The following RARB variants were observed in gnomAD, a reference collection of about 807,000 sequenced individuals.
RARB encodes retinoic acid receptor beta, also known as HBV-activated protein.
A neutral mutation model predicts 51.9 loss-of-function variants in RARB; 17 were observed. The observed-to-expected ratio is 0.33, with a 90% CI of 0.22 to 0.49. The LOEUF is 0.49. Ranked by LOEUF, RARB falls within the 20% of genes least tolerant of loss-of-function variation. The pLI is 0.99. For synonymous variants in RARB, 215 were observed against 195.4 expected, an observed-to-expected ratio of 1.10 and a Z score of -0.84; for missense variants, 369 against 550.8, an observed-to-expected ratio of 0.67 and a Z score of 3.30.
chr3:25,168,454 G>C (rs1039201094), intron 4 of RARB, among the ~76,000 whole-genome samples: 2 of 152,016 alleles, frequency 1.3e-5, no homozygotes, highest in Non-Finnish European at 2.9e-5. Context: ...TCAAACTCCT[G>C]ATCTCAAGTA....
chr3:24,912,975 C>CTGTTTTTTTTTTTTTTTTTTTTTTT, intron 2 of RARB, among the ~76,000 whole-genome samples: 1 of 75,052 alleles, frequency 1.3e-5, no homozygotes, highest in African/African-American at 4.5e-5. Context: ...GGTACTGATT[C>CTGTTTTTTTTTTTTTTTTTTTTTTT]TTTTTTTTTT....
chr3:25,130,061 A>T (rs1288730304), intron 3 of RARB, among the ~76,000 whole-genome samples: 2 of 152,092 alleles, frequency 1.3e-5, no homozygotes, highest in Non-Finnish European at 2.9e-5. Flanking sequence ...TTACCTTAGT[A>T]TGGGAAACTA....
intron 3 of RARB, among the ~76,000 whole-genome samples, chr3:25,521,511 G>A (rs886359003): frequency 6.6e-6 from 1 of 152,132 alleles, no homozygotes; most frequent in African/African-American, 2.4e-5. Flanking sequence ...TAAGATATGA[G>A]AATCCACTGG....
intron 5 of RARB, among the ~76,000 whole-genome samples, chr3:25,210,896 G>T (rs953759194): frequency 6.6e-6 from 1 of 151,988 alleles, no homozygotes; most frequent in Non-Finnish European, 1.5e-5. Context: ...CCACATAAAA[G>T]TCCACTCAAT....
chr3:25,457,144 C>A (rs2125550037), intron 1 of RARB, among the ~76,000 whole-genome samples: 1 of 152,156 alleles, frequency 6.6e-6, no homozygotes, highest in Non-Finnish European at 1.5e-5. Context: ...GACATTCTGG[C>A]ATAATAGATC....
At chr3:24,991,241 G>C (rs1016885456) in intron 2 of RARB, among the ~76,000 whole-genome samples, 2 of 152,168 alleles carry the variant, frequency 1.3e-5, no homozygotes, top group African/African-American at 4.8e-5. Flanking sequence ...AGGAGTTCAA[G>C]ACCAGCCTGG....
intron 2 of RARB, among the ~76,000 whole-genome samples, chr3:24,907,001 A>G (rs1446006743): frequency 6.6e-6 from 1 of 152,172 alleles, no homozygotes; most frequent in Non-Finnish European, 1.5e-5. Context: ...AGACAGTCAA[A>G]TGTAGATATC....
At chr3:24,940,020 C>T (rs1695626837) in intron 2 of RARB, among the ~76,000 whole-genome samples, 1 of 152,174 alleles carries the variant, frequency 6.6e-6, no homozygotes, top group South Asian at 2.1e-4. Context: ...TTTAAGCACT[C>T]TTTAATGTTA....
At chr3:25,283,626 C>G (rs542487667) in intron 5 of RARB, among the ~76,000 whole-genome samples, 2 of 152,212 alleles carry the variant, frequency 1.3e-5, no homozygotes, top group African/African-American at 4.8e-5. Context: ...CTGACTGTTT[C>G]TCTCCCTGAC....
chr3:25,461,710 A>G (rs1219703452), intron 2 of RARB, among the ~76,000 whole-genome samples: 1 of 152,142 alleles, frequency 6.6e-6, no homozygotes, highest in Non-Finnish European at 1.5e-5. Context: ...CCTGACCAAC[A>G]TGGCAAAACC....
chr3:25,562,949 C>G (rs969620507), intron 3 of RARB, among the ~76,000 whole-genome samples: 1 of 152,200 alleles, frequency 6.6e-6, no homozygotes, highest in African/African-American at 2.4e-5. Context: ...AAGTATTTGA[C>G]GTCTGTATAT....
intron 2 of RARB, among the ~76,000 whole-genome samples, chr3:24,952,822 T>G (rs1002612897): frequency 1.3e-5 from 2 of 152,066 alleles, no homozygotes; most frequent in Non-Finnish European, 2.9e-5. Flanking sequence ...TGTAACTCAT[T>G]GAATTTAAGG....
chr3:25,258,954 A>G (rs767045335), intron 5 of RARB: 2 of 832,170 alleles, frequency 2.4e-6, no homozygotes, highest in Non-Finnish European at 2.9e-6. Context: ...CAACACCACC[A>G]CACTGGGGAC....
rs550399386 is a variant in RARB at position 24,948,716 on chromosome 3, A to T, written c.-380+89964A>T. Reference sequence around the variant, plus strand: ...GATCGTGGGGGCAGATCCCTCATGAATGATTTAGCACTATCTTCTTGGTGA... The same window carrying T: ...GATCGTGGGGGCAGATCCCTCATGATTGATTTAGCACTATCTTCTTGGTGA... On this transcript the variant is annotated intron_variant, in intron 2 of 11. Coordinates refer to the RARB transcript ENST00000383772. Among the ~76,000 whole-genome samples the T allele has an allele frequency of 2.0e-5, 3 of 152,208 alleles. No individual in the cohort carries two copies. The East Asian group carries it at 5.8e-4, about 29-fold the overall frequency.
intron 5 of RARB, among the ~76,000 whole-genome samples, chr3:25,199,093 A>G (rs1023890033): frequency 2.0e-5 from 3 of 151,978 alleles, no homozygotes; most frequent in African/African-American, 7.2e-5. Flanking sequence ...TGTATACACA[A>G]TGGAGTACTA....
chr3:25,551,278 A>G (rs1036544897), intron 3 of RARB, among the ~76,000 whole-genome samples: 8 of 152,194 alleles, frequency 5.3e-5, no homozygotes, highest in African/African-American at 1.9e-4. Context: ...GAGCTCTAAC[A>G]GTACTGTTTT....
chr3:25,173,775 C>A (rs1424836375), intron 4 of RARB, among the ~76,000 whole-genome samples: 1 of 152,154 alleles, frequency 6.6e-6, no homozygotes, highest in East Asian at 1.9e-4. Flanking sequence ...CTGGTGAGTG[C>A]ATGCTAATGG....
At chr3:25,319,211 A>C (rs1241619457) in intron 5 of RARB, among the ~76,000 whole-genome samples, 1 of 152,150 alleles carries the variant, frequency 6.6e-6, no homozygotes, top group Non-Finnish European at 1.5e-5. Context: ...AGTGACATGC[A>C]TGTTTTCTCA....
intron 1 of RARB, among the ~76,000 whole-genome samples, chr3:24,831,504 G>A (rs879787733): frequency 3.9e-5 from 6 of 152,044 alleles, no homozygotes; most frequent in Admixed American, 2.6e-4. Context: ...AACAGAAAGC[G>A]TGAAACAAAA....
Sources: gnomAD v4.1 joint callset for allele counts (sites outside exome capture counted in the v4.1 genomes callset) on GRCh38, gnomAD v4.1.1 for gene constraint, MANE v1.5 for transcripts, NCBI Gene and HGNC (gene_info 2026-07-23, HGNC 2026-07-21) for gene names.